Variants in ZSCAN31 observed in about 807,000 individuals in gnomAD.
ZSCAN31 encodes the protein zinc finger and SCAN domain-containing protein 31.
In ZSCAN31, 14 loss-of-function variants were observed where a neutral mutation model predicts 22.5. The observed-to-expected ratio is 0.62, with a 90% confidence interval of 0.41 to 0.97. The LOEUF is 0.97. ZSCAN31 is among the 50% of genes least tolerant of loss of function. ZSCAN31 has a pLI of 0.00. For missense variants in ZSCAN31, 424 were observed against 483.4 expected (o/e 0.88, Z 1.15); for synonymous variants, 168 against 169.8 (o/e 0.99, Z 0.08).
At chr6:28,329,161 T>C (rs1763546135) in intron 2 of ZSCAN31, 142 bp downstream of exon 2, 5 of 1,011,218 alleles carry the variant, frequency 4.9e-6, no homozygotes, top group African/African-American at 3.2e-5. Flanking sequence ...CAGATGACCA[T>C]AGTCTTGGCC....
rs1763560620 is a variant in ZSCAN31, at chr6:28,329,362, C to T, written c.322G>A (p.Glu108Lys). 1 of 1,612,942 alleles carries T rather than the reference C, an allele frequency of 6.2e-7. No homozygotes were observed. The highest frequency in any genetic ancestry group is 1.7e-5 in the Admixed American group (1 of 59,806). ...WVREHHPESG[E>K]EAVAVVEDLE... is the part of the protein sequence containing the mutation. ...TCTTCAACTACAGCCACAGCCTCCT[C>T]CCCACTCTCCGGATGGTGCTCCCGC... Residue 108 changes from glutamate to lysine, a missense_variant, in exon 2 of 4, where the codon GAG becomes AAG. Transcript: ENST00000344279.
chr6:28,327,330 G>A (rs778699095), intron 3 of ZSCAN31, 53 bp downstream of exon 3: 59 of 1,600,864 alleles, frequency 3.7e-5, no homozygotes, highest in Admixed American at 5.1e-5. Flanking sequence ...CTTAACTATC[G>A]CCCTATATAG....
At position 28,349,049 on chromosome 6, in the gene ZSCAN31, TAC is replaced by T. The variant is rs1303063346; in HGVS notation, c.-371+4811_-371+4812del. Among the ~76,000 whole-genome samples, 1 of 136,608 alleles carries T rather than the reference TAC, an allele frequency of 7.3e-6. No homozygotes were observed. The highest frequency in any genetic ancestry group is 2.8e-5 in the African/African-American group (1 of 36,220). 89.6% of individuals were successfully genotyped at this position (136,608 alleles called of 152,430 possible). On this transcript the variant is annotated intron_variant, in intron 2 of 7. Coordinates refer to the ZSCAN31 transcript ENST00000396838. This position sits in a 1 kb window ranked among gnomAD's most constrained non-coding sequence, Gnocchi z 4.1. ...CATGTCTCATATACATAGGTGTATATACATGTCTCATATACATAGGTGTATAT... is the reference window on the plus strand; with the variant it reads ...CATGTCTCATATACATAGGTGTATATATGTCTCATATACATAGGTGTATAT...
chr6:28,328,392 AC>A (rs1294143275), intron 2 of ZSCAN31, among the ~76,000 whole-genome samples: 1 of 152,102 alleles, frequency 6.6e-6, no homozygotes, highest in Non-Finnish European at 1.5e-5. Context: ...TCAGAGACCT[AC>A]CCCCAGGCGC....
rs1244306882 is a variant in ZSCAN31, at chr6:28,329,649, A to G, written c.35T>C (p.Ile12Thr). The G allele has an allele frequency of 3.7e-6, 6 of 1,613,938 alleles. No individual in the cohort carries two copies. The Admixed American group carries it at 8.3e-5, about 22-fold the overall frequency. Residue 12 changes from isoleucine to threonine, a missense_variant, in exon 2 of 4, where the codon ATT (isoleucine) becomes ACT (threonine). Coordinates refer to ENST00000344279, the MANE Select transcript of ZSCAN31 (RefSeq NM_030899.5). Reference protein sequence around the residue: ...ASTEEQYDLKIVKVEEDPIWD... With the variant: ...ASTEEQYDLKTVKVEEDPIWD... ...GATAGGGTCTTCCTCCACTTTCACA[A>G]TCTTAAGATCGTACTGTTCCTCTGT... is the stretch of plus-strand genomic sequence containing the variant.
At chr6:28,336,673 A>T (rs921933145), upstream of ZSCAN31, 4 of 152,168 alleles carry the variant, frequency 2.6e-5, no homozygotes, top group South Asian at 8.3e-4. Context: ...GAAGCTATGG[A>T]CGGGGTTGAC....
chr6:28,329,237 C>G, intron 2 of ZSCAN31, 66 bp downstream of exon 2: 1 of 1,518,896 alleles, frequency 6.6e-7, no homozygotes, highest in Non-Finnish European at 8.8e-7. Flanking sequence ...GCCAACCAAC[C>G]TGTGTCACCA....
intron 2 of ZSCAN31, among the ~76,000 whole-genome samples, chr6:28,344,857 T>G (rs1561923289): frequency 6.6e-6 from 1 of 151,654 alleles, no homozygotes; most frequent in Non-Finnish European, 1.5e-5. Context: ...GGGCCAGACA[T>G]GGTGGCTCAC....
chr6:28,329,233 C>A (rs1043216766), intron 2 of ZSCAN31, 70 bp downstream of exon 2: 13 of 1,516,762 alleles, frequency 8.6e-6, no homozygotes, highest in Non-Finnish European at 1.1e-5. Flanking sequence ...TATAGCCAAC[C>A]AACCTGTGTC....
At chr6:28,353,651 A>G (rs1378656306) in intron 2 of ZSCAN31, among the ~76,000 whole-genome samples, 1 of 152,222 alleles carries the variant, frequency 6.6e-6, no homozygotes, top group East Asian at 1.9e-4. Flanking sequence ...ATTTCCATAT[A>G]GGACCGTCTG....
At chr6:28,341,608 C>A (rs913826107) in intron 3 of ZSCAN31, 35 of 152,322 alleles carry the variant, frequency 2.3e-4, no homozygotes, top group African/African-American at 8.2e-4. Context: ...CAGCCCTTCC[C>A]CCAAGTGGGC....
At position 28,329,522 on chromosome 6, in the gene ZSCAN31, T is replaced by G; in HGVS notation, c.162A>C (p.Arg54=). Residue 54 remains arginine (R), a synonymous_variant, in exon 2 of 4, where the codon CGA becomes CGC. Coordinates refer to ENST00000344279, the MANE Select transcript of ZSCAN31 (RefSeq NM_030899.5). ...GTTCTCGGAGCCGGCTCAGAGCTTCTCGGGGACCAGGAGTCTCTTGGTAAC... is the reference window on the plus strand; with the variant it reads ...GTTCTCGGAGCCGGCTCAGAGCTTCGCGGGGACCAGGAGTCTCTTGGTAAC... ...QFCYQETPGP[R]EALSRLRELC... 6.2e-7 allele frequency: 1 copy of G among 1,614,216 alleles called. No individual in the cohort carries two copies.
chr6:28,326,848 T>C lies in ZSCAN31; in HGVS notation c.539A>G (p.Glu180Gly). 1.9e-6 allele frequency: 3 copies of C among 1,607,746 alleles called. No homozygotes were observed. The highest frequency in any genetic ancestry group is 2.5e-6 in the Non-Finnish European group (3 of 1,178,090). ...CAACTCCTGGTTCTCAGGTATACTT[T>C]CACCATCTGGAATAATAAATGGACC... ...CLHQFQEQDG[E>G]SIPENQELAS... The change falls in exon 4 of 4, where the codon GAA (glutamate) becomes GGA (glycine). Residue 180 changes from glutamate to glycine, a missense_variant. Coordinates refer to ENST00000344279, the MANE Select transcript of ZSCAN31 (RefSeq NM_030899.5).
At chr6:28,344,689 G>A (rs775292952) in intron 2 of ZSCAN31, among the ~76,000 whole-genome samples, 2 of 152,224 alleles carry the variant, frequency 1.3e-5, no homozygotes, top group Admixed American at 1.3e-4. Flanking sequence ...CCTGGCATTA[G>A]TAGTCAAGGG....
At chr6:28,339,756 T>A (rs1365624451), upstream of ZSCAN31, among the ~76,000 whole-genome samples, 2 of 152,244 alleles carry the variant, frequency 1.3e-5, no homozygotes, top group Admixed American at 1.3e-4. Context: ...TTCTCTATTG[T>A]TATTTCAGTG....
intron 2 of ZSCAN31, among the ~76,000 whole-genome samples, chr6:28,344,347 A>G (rs1764548538): frequency 6.6e-6 from 1 of 152,224 alleles, no homozygotes; most frequent in South Asian, 2.1e-4. Context: ...ATCCACCAAG[A>G]TATCAGATTG....
At chr6:28,343,542 CTTTTTT>C (rs34131321) in intron 2 of ZSCAN31, among the ~76,000 whole-genome samples, 1 of 105,874 alleles carries the variant, frequency 9.4e-6, no homozygotes, top group Non-Finnish European at 1.8e-5. Context: ...TTTTTTCTTT[CTTTTTT>C]TTTTTTTTTT....
At chr6:28,330,251 G>A (rs1036940112) in intron 1 of ZSCAN31, among the ~76,000 whole-genome samples, 4 of 151,866 alleles carry the variant, frequency 2.6e-5, no homozygotes, top group Non-Finnish European at 5.9e-5. Flanking sequence ...AGACATGTGA[G>A]CAGGCCTAGC....
At chr6:28,339,360 G>A (rs1250746503), upstream of ZSCAN31, among the ~76,000 whole-genome samples, 5 of 152,088 alleles carry the variant, frequency 3.3e-5, no homozygotes, top group African/African-American at 7.2e-5. Context: ...GCAGTGGCTC[G>A]ATCTCAGCTC....
Sources: allele counts gnomAD v4.1 joint callset (sites outside exome capture counted in the v4.1 genomes callset), GRCh38; gene constraint gnomAD v4.1.1; non-coding constraint Gnocchi (gnomAD v3.1); transcripts MANE v1.5; gene names NCBI Gene and HGNC (gene_info 2026-07-23, HGNC 2026-07-21).